The following SH3PXD2A variants were observed in gnomAD, a reference collection of about 807,000 sequenced individuals.
SH3PXD2A encodes the protein SH3 and PX domains 2A.
Under a neutral mutation model 115.2 loss-of-function variants are expected in SH3PXD2A, and 32 were observed. The observed-to-expected ratio is 0.28, with a 90% CI of 0.21 to 0.37. The LOEUF is 0.37. Among genes scored for constraint, SH3PXD2A ranks in the 10% least tolerant of loss-of-function variants. SH3PXD2A has a pLI of 1.00. For synonymous variants in SH3PXD2A, 610 were observed against 629.1 expected, an observed-to-expected ratio of 0.97 and a Z score of 0.45; for missense variants, 1,328 against 1,498.7, an observed-to-expected ratio of 0.89 and a Z score of 1.88.
In SH3PXD2A at chr10:103,700,719, G is replaced by A. The variant is rs373547812; in HGVS notation, c.399-7663C>T. Among the ~76,000 whole-genome samples the A allele has an allele frequency of 9.8e-5, 15 of 152,304 alleles. No homozygotes were observed. The South Asian group carries it at 2.9e-3, about 29-fold the overall frequency. ...TCAGCCCACTGCCATGGAGTGCTAG[G>A]AGCTCCTCCTCAGGCCACCTGAGAT... On this transcript the variant is annotated intron_variant, in intron 5 of 14. Transcript: ENST00000369774.
At chr10:103,852,743 T>C (rs1039584124) in intron 1 of SH3PXD2A, among the ~76,000 whole-genome samples, 6 of 152,232 alleles carry the variant, frequency 3.9e-5, no homozygotes, top group African/African-American at 1.4e-4. Flanking sequence ...GCCCTTTCTA[T>C]TGCTTTCTTT....
chr10:103,728,979 C>A, intron 4 of SH3PXD2A, among the ~76,000 whole-genome samples: 1 of 151,394 alleles, frequency 6.6e-6, no homozygotes, highest in Non-Finnish European at 1.5e-5. Context: ...TGCAGCCTCC[C>A]CCTCGCCGGG....
chr10:103,725,755 G>A (rs1018168237), intron 4 of SH3PXD2A, among the ~76,000 whole-genome samples: 3 of 152,104 alleles, frequency 2.0e-5, no homozygotes, highest in East Asian at 1.9e-4. Context: ...CTTGAACCCA[G>A]GAGGCAGAGG....
intron 4 of SH3PXD2A, among the ~76,000 whole-genome samples, chr10:103,734,475 G>A (rs1343120457): frequency 6.6e-6 from 1 of 152,204 alleles, no homozygotes; most frequent in Admixed American, 6.5e-5. Flanking sequence ...ATGGCTGGGT[G>A]CGGTGGCTCA....
intron 4 of SH3PXD2A, among the ~76,000 whole-genome samples, chr10:103,728,834 A>G (rs540855833): frequency 1.4e-4 from 21 of 152,058 alleles, no homozygotes; most frequent in Non-Finnish European, 2.5e-4. Context: ...GAGAGTTTAC[A>G]TAATTCCCTG....
chr10:103,791,626 C>T (rs2039037132), intron 2 of SH3PXD2A, among the ~76,000 whole-genome samples: 1 of 151,914 alleles, frequency 6.6e-6, no homozygotes, highest in African/African-American at 2.4e-5. Flanking sequence ...GTGCAGAGAC[C>T]TCTCCTAGAT....
chr10:103,766,650 A>T (rs2134223927), intron 3 of SH3PXD2A, among the ~76,000 whole-genome samples: 1 of 152,282 alleles, frequency 6.6e-6, no homozygotes, highest in African/African-American at 2.4e-5. Flanking sequence ...CACACTCCAA[A>T]ATGGTGTAAG....
At chr10:103,781,091 T>A (rs1469799274) in intron 2 of SH3PXD2A, among the ~76,000 whole-genome samples, 1 of 152,232 alleles carries the variant, frequency 6.6e-6, no homozygotes, top group Non-Finnish European at 1.5e-5. Context: ...ATGCTTACCA[T>A]ACTGGACTTA....
At chr10:103,696,252 A>G (rs1289969767) in intron 5 of SH3PXD2A, among the ~76,000 whole-genome samples, 1 of 152,178 alleles carries the variant, frequency 6.6e-6, no homozygotes, top group Non-Finnish European at 1.5e-5. Flanking sequence ...ACCTTCTGGA[A>G]GTTTCCAGTT....
chr10:103,673,792 T>A (rs1564860392), intron 6 of SH3PXD2A, among the ~76,000 whole-genome samples: 1 of 151,894 alleles, frequency 6.6e-6, no homozygotes, highest in Non-Finnish European at 1.5e-5. Flanking sequence ...CCAGAATGAG[T>A]ACAGCCAACA....
In SH3PXD2A at chr10:103,627,961, C is replaced by A. The variant is rs114470703; in HGVS notation, c.605-759G>T. Among the ~76,000 whole-genome samples, 3,118 of 152,308 alleles carry A rather than the reference C, an allele frequency of 0.02. 106 individuals are homozygous for A. The highest frequency in any genetic ancestry group is 0.071 in the African/African-American group (2,944 of 41,552). ...CTTTGCCCCCAAAAGTGATTTGGTA[C>A]TGATTCTCTTTTCTGCTCATGGCCC... On this transcript the variant is annotated intron_variant, in intron 8 of 14. Transcript: ENST00000369774. This position sits in a 1 kb window ranked among gnomAD's most constrained non-coding sequence, Gnocchi z 4.4.
chr10:103,855,388 A>C lies in SH3PXD2A; in HGVS notation c.-122T>G. 1 of 687,270 alleles carries C rather than the reference A, an allele frequency of 1.5e-6. No homozygotes were observed. The highest frequency in any genetic ancestry group is 2.2e-6 in the Non-Finnish European group (1 of 457,134). 42.6% of individuals were successfully genotyped at this position (687,270 alleles called of 1,614,324 possible). A position where few individuals can be genotyped will look rare whatever the true frequency, so the allele number is the denominator to read the frequency against. The stretch of plus-strand genomic sequence containing the variant: ...CCGCCACCCCGGCCCGGCGCGCCGA[A>C]CGCTGCCCGGACTCCCGGCGCCCAC... On this transcript the variant is annotated 5_prime_UTR_variant, in exon 1 of 15. Coordinates refer to ENST00000369774, the MANE Select transcript of SH3PXD2A (RefSeq NM_001394015.1).
chr10:103,701,697 G>T (rs1221129084), intron 5 of SH3PXD2A, among the ~76,000 whole-genome samples: 78 of 123,878 alleles, frequency 6.3e-4, no homozygotes, highest in African/African-American at 1.5e-3. Flanking sequence ...CATTCATCCA[G>T]CCATCCATCC....
chr10:103,798,890 G>C (rs1350275828), intron 2 of SH3PXD2A, among the ~76,000 whole-genome samples: 2 of 152,122 alleles, frequency 1.3e-5, no homozygotes, highest in Non-Finnish European at 2.9e-5. Context: ...TCAGTGAGTG[G>C]GTCTCCAGCC....
chr10:103,720,957 C>A (rs2038174815), intron 5 of SH3PXD2A, among the ~76,000 whole-genome samples: 1 of 152,230 alleles, frequency 6.6e-6, no homozygotes, highest in African/African-American at 2.4e-5. Context: ...CTTCCTGAGC[C>A]TCAGACCTGT....
chr10:103,830,537 G>A (rs1035378257), intron 1 of SH3PXD2A, among the ~76,000 whole-genome samples: 9 of 152,202 alleles, frequency 5.9e-5, no homozygotes, highest in Admixed American at 5.2e-4. Context: ...ATATAAGGAT[G>A]TCTGCTGCTG....
chr10:103,733,399 G>A (rs2038345993), intron 4 of SH3PXD2A, among the ~76,000 whole-genome samples: 1 of 152,166 alleles, frequency 6.6e-6, no homozygotes, highest in Non-Finnish European at 1.5e-5. Context: ...ATAAATCCCA[G>A]CTGGAAAAGC....
At chr10:103,672,868 C>T (rs1201276764) in intron 6 of SH3PXD2A, among the ~76,000 whole-genome samples, 1 of 152,206 alleles carries the variant, frequency 6.6e-6, no homozygotes, top group Non-Finnish European at 1.5e-5. Flanking sequence ...CTCACACAGC[C>T]CATAGTGCTC....
intron 1 of SH3PXD2A, among the ~76,000 whole-genome samples, chr10:103,840,776 GGATTAAATGAGT>G (rs1337349529): frequency 3.3e-5 from 5 of 152,230 alleles, no homozygotes; most frequent in African/African-American, 1.2e-4. Context: ...TCTGTTGCAA[GGATTAAATGAGT>G]GATGTGCTTA....
Sources: gnomAD v4.1 joint callset for allele counts (sites outside exome capture counted in the v4.1 genomes callset) on GRCh38, gnomAD v4.1.1 for gene constraint, Gnocchi (gnomAD v3.1) non-coding constraint, MANE v1.5 for transcripts, NCBI Gene and HGNC (gene_info 2026-07-23, HGNC 2026-07-21) for gene names.